The following DYNC1I1 variants were observed in gnomAD, a reference collection of about 807,000 sequenced individuals.
The protein encoded by DYNC1I1 is dynein cytoplasmic 1 intermediate chain 1.
Under a neutral mutation model 86.6 loss-of-function variants are expected in DYNC1I1, and 43 were observed. That is an observed-to-expected ratio of 0.50 (90% CI 0.39 to 0.64). The LOEUF is 0.64. Ranked by LOEUF, DYNC1I1 falls within the 30% of genes least tolerant of loss-of-function variation. DYNC1I1 has a pLI of 0.00. For missense variants in DYNC1I1, 604 were observed against 788.8 expected, an observed-to-expected ratio of 0.77 and a Z score of 2.81; for synonymous variants, 262 against 283.7, an observed-to-expected ratio of 0.92 and a Z score of 0.77.
At chr7:95,978,777 A>G (rs183138132) in intron 7 of DYNC1I1, among the ~76,000 whole-genome samples, 31 of 152,004 alleles carry the variant, frequency 2.0e-4, no homozygotes, top group Non-Finnish European at 3.8e-4. Flanking sequence ...AATGACATCC[A>G]TATCATATGG....
intron 9 of DYNC1I1, among the ~76,000 whole-genome samples, chr7:95,993,117 T>A (rs1272327678): frequency 2.0e-5 from 3 of 151,666 alleles, no homozygotes; most frequent in African/African-American, 4.9e-5. Context: ...TGTTTAGAGA[T>A]TTTTTATTGG....
chr7:95,864,623 C>T (rs1275983905), intron 5 of DYNC1I1, among the ~76,000 whole-genome samples: 9 of 152,246 alleles, frequency 5.9e-5, no homozygotes, highest in South Asian at 4.1e-4. Context: ...TTCCACTGCC[C>T]GGTCTGGAAT....
At chr7:96,036,606 A>G (rs1396231055) in intron 13 of DYNC1I1, among the ~76,000 whole-genome samples, 1 of 152,190 alleles carries the variant, frequency 6.6e-6, no homozygotes, top group African/African-American at 2.4e-5. Context: ...TTTCCTGCAC[A>G]GTACCTAGGA....
At chr7:95,786,407 G>A (rs760255046) in intron 1 of DYNC1I1, among the ~76,000 whole-genome samples, 7 of 152,118 alleles carry the variant, frequency 4.6e-5, no homozygotes, top group African/African-American at 1.7e-4. Flanking sequence ...TCTTTAGTAC[G>A]TTATACCTTT....
intron 1 of DYNC1I1, among the ~76,000 whole-genome samples, chr7:95,781,080 C>T (rs1793980892): frequency 6.6e-6 from 1 of 151,840 alleles, no homozygotes; most frequent in Admixed American, 6.6e-5. Context: ...TAGGTTACAG[C>T]TGATTTGGAA....
chr7:95,911,939 T>A (rs993763364), intron 6 of DYNC1I1, among the ~76,000 whole-genome samples: 1 of 152,208 alleles, frequency 6.6e-6, no homozygotes, highest in African/African-American at 2.4e-5. Context: ...AAGCATGCCC[T>A]AATCTGCAGG....
intron 6 of DYNC1I1, among the ~76,000 whole-genome samples, chr7:95,875,352 C>T (rs1314614399): frequency 2.0e-5 from 3 of 152,190 alleles, no homozygotes; most frequent in African/African-American, 7.2e-5. Context: ...ACGCTTGCAG[C>T]ATTGCTAGAA....
intron 6 of DYNC1I1, among the ~76,000 whole-genome samples, chr7:95,936,640 G>A (rs537080010): frequency 1.3e-5 from 2 of 151,980 alleles, no homozygotes; most frequent in South Asian, 2.1e-4. Flanking sequence ...ATGATCTCAC[G>A]TTCAGAAAAC....
At chr7:95,814,402 A>G (rs1466536349) in intron 4 of DYNC1I1, among the ~76,000 whole-genome samples, 1 of 152,216 alleles carries the variant, frequency 6.6e-6, no homozygotes, top group Non-Finnish European at 1.5e-5. Flanking sequence ...AGAAACAACC[A>G]TCTACAGCAC....
intron 2 of DYNC1I1, among the ~76,000 whole-genome samples, chr7:95,805,332 G>A (rs1042015955): frequency 6.6e-6 from 1 of 152,050 alleles, no homozygotes; most frequent in African/African-American, 2.4e-5. Flanking sequence ...TATGCCAATG[G>A]ATTTCTATTG....
Position 96,080,533 on chromosome 7 carries a change from C to A in DYNC1I1, c.1776+45C>A, listed in dbSNP as rs981937109. The A allele has an allele frequency of 1.9e-6, 3 of 1,613,850 alleles. No individual in the cohort carries two copies. The African/African-American group carries it at 4.0e-5, about 22-fold the overall frequency. ...GTTGTTACTGTTTTGACTTGTGTAT[C>A]TACTTTAGAAACCTAGTGAAATTAT... On this transcript the variant is annotated intron_variant, in intron 16 of 16. Transcript: ENST00000447467.
At chr7:95,777,749 A>G (rs1410923653) in intron 1 of DYNC1I1, among the ~76,000 whole-genome samples, 1 of 152,186 alleles carries the variant, frequency 6.6e-6, no homozygotes, top group Non-Finnish European at 1.5e-5. Flanking sequence ...ATGAATCTCA[A>G]GCACTATAGA....
intron 5 of DYNC1I1, among the ~76,000 whole-genome samples, chr7:95,858,471 G>T (rs1450191650): frequency 6.6e-6 from 1 of 151,996 alleles, no homozygotes; most frequent in African/African-American, 2.4e-5. Flanking sequence ...ACAATCAAAA[G>T]TATGGTAAAT....
At chr7:95,993,232 T>C (rs894042265) in intron 9 of DYNC1I1, among the ~76,000 whole-genome samples, 1 of 152,214 alleles carries the variant, frequency 6.6e-6, no homozygotes, top group Non-Finnish European at 1.5e-5. Flanking sequence ...TTTAAATCAG[T>C]ATCTTTAGGC....
At chr7:96,072,569 A>G (rs1033488577) in intron 14 of DYNC1I1, among the ~76,000 whole-genome samples, 3 of 152,280 alleles carry the variant, frequency 2.0e-5, no homozygotes, top group East Asian at 1.9e-4. Flanking sequence ...TGGCTTTCAT[A>G]TGTACAAATA....
intron 6 of DYNC1I1, among the ~76,000 whole-genome samples, chr7:95,892,760 T>C (rs1790778174): frequency 6.6e-6 from 1 of 152,212 alleles, no homozygotes; most frequent in African/African-American, 2.4e-5. Flanking sequence ...TAACTATTTT[T>C]ATTATAAGAA....
At chr7:96,065,369 TC>T (rs1286716974) in intron 14 of DYNC1I1, among the ~76,000 whole-genome samples, 1 of 140,948 alleles carries the variant, frequency 7.1e-6, no homozygotes, top group African/African-American at 2.7e-5. Context: ...TTTCTTTTTT[TC>T]TTTCTTTCTT....
chr7:96,036,410 A>T (rs952993552), intron 13 of DYNC1I1, among the ~76,000 whole-genome samples: 8 of 152,212 alleles, frequency 5.3e-5, no homozygotes, highest in African/African-American at 7.2e-5. Context: ...GCAAATAAAT[A>T]TATAGTTTAG....
intron 6 of DYNC1I1, among the ~76,000 whole-genome samples, chr7:95,876,083 G>T (rs1190250111): frequency 6.6e-6 from 1 of 152,236 alleles, no homozygotes; most frequent in South Asian, 2.1e-4. Flanking sequence ...GATGCCTATG[G>T]TGAATAAGAT....
Sources: allele counts gnomAD v4.1 joint callset (sites outside exome capture counted in the v4.1 genomes callset), GRCh38; gene constraint gnomAD v4.1.1; transcripts MANE v1.5; gene names NCBI Gene and HGNC (gene_info 2026-07-23, HGNC 2026-07-21).